The following RARB variants were observed in gnomAD, a reference collection of about 807,000 sequenced individuals.
The protein encoded by RARB is retinoic acid receptor beta, also known as HBV-activated protein.
RARB carries 17 observed loss-of-function variants against 51.9 expected under a neutral mutation model. That is an observed-to-expected ratio of 0.33 (90% confidence interval 0.22 to 0.49). The LOEUF (loss-of-function observed/expected upper bound fraction) is 0.49. Among genes scored for constraint, RARB ranks in the 20% least tolerant of loss-of-function variants. The pLI is 0.99. For missense variants in RARB, 369 were observed against 550.8 expected (o/e 0.67, Z 3.30); for synonymous variants, 215 against 195.4 (o/e 1.10, Z -0.84).
At chr3:25,561,300 G>A (rs528104548) in intron 3 of RARB, among the ~76,000 whole-genome samples, 11 of 152,274 alleles carry the variant, frequency 7.2e-5, no homozygotes, top group Admixed American at 3.3e-4. Context: ...AGGGAACCAT[G>A]TATTCAAATA....
chr3:25,350,888 G>C (rs17016253), intron 5 of RARB, among the ~76,000 whole-genome samples: 2 of 152,168 alleles, frequency 1.3e-5, no homozygotes, highest in Non-Finnish European at 2.9e-5. Flanking sequence ...TGTACCCTCT[G>C]CCAGTTCCCA....
intron 5 of RARB, among the ~76,000 whole-genome samples, chr3:25,251,839 T>C (rs987640335): frequency 6.6e-6 from 1 of 152,188 alleles, no homozygotes; most frequent in Non-Finnish European, 1.5e-5. Flanking sequence ...GTGATGTCAT[T>C]TGAAGTACAA....
intron 2 of RARB, among the ~76,000 whole-genome samples, chr3:24,906,526 C>T (rs1416714171): frequency 1.3e-5 from 2 of 152,132 alleles, no homozygotes; most frequent in African/African-American, 4.8e-5. Context: ...GCTAACTTCT[C>T]TAATCTTCAA....
At chr3:25,416,273 C>T (rs1422241343) in intron 5 of RARB, among the ~76,000 whole-genome samples, 1 of 152,164 alleles carries the variant, frequency 6.6e-6, no homozygotes, top group Non-Finnish European at 1.5e-5. Flanking sequence ...CCTGTAGTCC[C>T]AGCTACTTAC....
intron 4 of RARB, among the ~76,000 whole-genome samples, chr3:25,577,101 T>G (rs1038152960): frequency 6.6e-6 from 1 of 151,926 alleles, no homozygotes; most frequent in South Asian, 2.1e-4. Flanking sequence ...AACCAGAAAG[T>G]AGAAATATGT....
At chr3:25,291,133 C>T (rs938846551) in intron 5 of RARB, among the ~76,000 whole-genome samples, 1 of 152,130 alleles carries the variant, frequency 6.6e-6, no homozygotes, top group Non-Finnish European at 1.5e-5. Context: ...TCTTTAATAT[C>T]CCTCCAGCAT....
At chr3:25,410,496 G>C (rs9866986) in intron 5 of RARB, among the ~76,000 whole-genome samples, 2 of 152,160 alleles carry the variant, frequency 1.3e-5, no homozygotes, top group African/African-American at 2.4e-5. Flanking sequence ...TTTGAATCTT[G>C]AGTAGTGAAC....
intron 4 of RARB, among the ~76,000 whole-genome samples, chr3:25,136,031 A>G (rs1260464830): frequency 6.6e-6 from 1 of 151,934 alleles, no homozygotes; most frequent in Non-Finnish European, 1.5e-5. Context: ...ATGTTGAACA[A>G]TTCCTTATCT....
At chr3:25,107,419 T>C (rs951129878) in intron 3 of RARB, among the ~76,000 whole-genome samples, 2 of 152,248 alleles carry the variant, frequency 1.3e-5, no homozygotes, top group Admixed American at 1.3e-4. Context: ...GAACAGTTTC[T>C]AATATTTTAG....
intron 7 of RARB, among the ~76,000 whole-genome samples, chr3:25,595,737 A>G (rs1410232527): frequency 6.6e-6 from 1 of 152,170 alleles, no homozygotes; most frequent in Non-Finnish European, 1.5e-5. Flanking sequence ...TTTATTTAAC[A>G]AATTTAAATT....
intron 2 of RARB, among the ~76,000 whole-genome samples, chr3:24,867,958 A>G (rs898249325): frequency 5.3e-5 from 8 of 152,184 alleles, no homozygotes; most frequent in African/African-American, 1.9e-4. Context: ...GCTCACTGAG[A>G]TAACAGATGC....
intron 3 of RARB, among the ~76,000 whole-genome samples, chr3:25,108,822 C>T (rs1161252112): frequency 6.6e-6 from 1 of 152,054 alleles, no homozygotes; most frequent in Non-Finnish European, 1.5e-5. Context: ...TTTTTTTCAA[C>T]TTTCCTAAAA....
At chr3:24,832,819 T>C (rs1702300370) in intron 1 of RARB, among the ~76,000 whole-genome samples, 2 of 151,924 alleles carry the variant, frequency 1.3e-5, no homozygotes, top group South Asian at 2.1e-4. Context: ...TCCAGTTATT[T>C]AACCTCTCTG....
intron 5 of RARB, among the ~76,000 whole-genome samples, chr3:25,320,226 T>C (rs370965927): frequency 2.6e-5 from 4 of 152,140 alleles, no homozygotes; most frequent in African/African-American, 9.7e-5. Context: ...GCCAGGATGT[T>C]TTCAGAAAGA....
rs370254795 is a variant in RARB, at chr3:25,513,583, T to C, written c.448+12260T>C. On this transcript the variant is annotated intron_variant, in intron 3 of 7. Transcript: ENST00000330688. The stretch of plus-strand genomic sequence containing the variant: ...CCCCTTTCATGACATGACATCCCAA[T>C]GCTGTTTTTTCCATGGTGGATGTAA... Among the ~76,000 whole-genome samples, 160 of 151,976 alleles carry C rather than the reference T, an allele frequency of 1.1e-3. 6 individuals are homozygous for C. The South Asian group carries it at 0.032, about 30-fold the overall frequency.
intron 5 of RARB, among the ~76,000 whole-genome samples, chr3:25,219,477 A>G (rs1488366671): frequency 4.6e-5 from 7 of 152,196 alleles, no homozygotes. Context: ...TGTTGTGGTC[A>G]AAAATCAACA....
At chr3:25,058,319 A>G (rs1698481542) in intron 2 of RARB, among the ~76,000 whole-genome samples, 1 of 151,888 alleles carries the variant, frequency 6.6e-6, no homozygotes, top group Non-Finnish European at 1.5e-5. Context: ...TGGGTTGTAT[A>G]AACTCCAAGT....
At chr3:24,918,219 CAA>C (rs748433842) in intron 2 of RARB, among the ~76,000 whole-genome samples, 1 of 152,204 alleles carries the variant, frequency 6.6e-6, no homozygotes, top group Non-Finnish European at 1.5e-5. Flanking sequence ...TTCAGCAATG[CAA>C]ATGAACGAAT....
intron 2 of RARB, among the ~76,000 whole-genome samples, chr3:25,056,696 A>G (rs1221952912): frequency 1.3e-5 from 2 of 152,164 alleles, no homozygotes; most frequent in Non-Finnish European, 2.9e-5. Context: ...TATGATATAC[A>G]TACCTGTATA....
Sources: gnomAD v4.1 joint callset for allele counts (sites outside exome capture counted in the v4.1 genomes callset) on GRCh38, gnomAD v4.1.1 for gene constraint, MANE v1.5 for transcripts, NCBI Gene and HGNC (gene_info 2026-07-23, HGNC 2026-07-21) for gene names.